NVL: variants seen among roughly 807,000 people sequenced by gnomAD.
The protein encoded by NVL is nuclear valosin-containing protein-like.
In NVL, 84 loss-of-function variants were observed where a neutral mutation model predicts 110.2. The ratio of observed to expected loss-of-function variants is 0.76; its 90% CI spans 0.64 to 0.91. The LOEUF (loss-of-function observed/expected upper bound fraction) is 0.91, where lower values mean the gene tolerates loss of function less well. Ranked by LOEUF, NVL falls within the 40% of genes least tolerant of loss-of-function variation. The pLI is 0.00. For synonymous variants in NVL, 354 were observed against 361.1 expected, an observed-to-expected ratio of 0.98 and a Z score of 0.22; for missense variants, 882 against 1,035.9, an observed-to-expected ratio of 0.85 and a Z score of 2.04.
In NVL at chr1:224,227,618, T is replaced by C. The variant is rs1406281283; in HGVS notation, c.*8A>G. Reference sequence around the variant, plus strand: ...GGGCTAGCTCCTCTAAGCCGGCTGCTGGAGACATCACCGGCTGAGGGACTC... The same window carrying C: ...GGGCTAGCTCCTCTAAGCCGGCTGCCGGAGACATCACCGGCTGAGGGACTC... On this transcript the variant is annotated 3_prime_UTR_variant, in exon 23 of 23. Transcript: ENST00000281701. 6.2e-7 allele frequency: 1 copy of C among 1,610,374 alleles called. No individual in the cohort carries two copies. The highest frequency in any genetic ancestry group is 1.7e-5 in the Admixed American group (1 of 59,822).
rs769948002 is a variant in NVL at position 224,289,623 on chromosome 1, C to A, written c.1436G>T (p.Arg479Leu). Residue 479 changes from arginine (R) to leucine (L), a missense_variant, in exon 13 of 23, where the codon CGA becomes CTA. This residue lies in a region of NVL where 416 missense variants were observed against 499.3 expected (regional missense o/e 0.83). Transcript: ENST00000281701. ...ATTGACTGCACACATTGCTGCCTCT[C>A]GGCACAGTGCCATGAGATCAGCACC... ...FVGADLMALC[R>L]EAAMCAVNRV... 30 of 1,614,098 alleles carry A rather than the reference C, an allele frequency of 1.9e-5. No individual in the cohort carries two copies. The highest frequency in any genetic ancestry group is 2.1e-5 in the Non-Finnish European group (25 of 1,180,052).
At chr1:224,234,932 G>A (rs1453262001) in intron 20 of NVL, among the ~76,000 whole-genome samples, 7 of 152,074 alleles carry the variant, frequency 4.6e-5, no homozygotes, top group African/African-American at 1.2e-4. Flanking sequence ...GTTACTCACC[G>A]AAAATCTTTT....
At chr1:224,236,687 G>A (rs760931329) in intron 19 of NVL, 105 bp from the exon 20 acceptor site, 211 of 825,882 alleles carry the variant, frequency 2.6e-4, no homozygotes, top group Non-Finnish European at 4.0e-4. Context: ...AAGGTGGGCA[G>A]ATCACCTGAG....
At chr1:224,298,664 G>A (rs924244047) in intron 10 of NVL, 1 of 158,656 alleles carries the variant, frequency 6.3e-6, no homozygotes, top group African/African-American at 2.6e-5. Flanking sequence ...GAAGTGTAGT[G>A]TCCTCTTCCG....
chr1:224,260,536 A>T (rs550627290), intron 18 of NVL, among the ~76,000 whole-genome samples: 64 of 152,192 alleles, frequency 4.2e-4, no homozygotes, highest in Non-Finnish European at 7.6e-4. Context: ...GATTACAGGC[A>T]TGAGCCAACA....
At chr1:224,247,605 G>A (rs966446381) in intron 19 of NVL, among the ~76,000 whole-genome samples, 1 of 151,928 alleles carries the variant, frequency 6.6e-6, no homozygotes, top group East Asian at 1.9e-4. Flanking sequence ...GGAGGTGGAG[G>A]TTGCAGTGAA....
At chr1:224,237,814 TG>T (rs894031730) in intron 19 of NVL, among the ~76,000 whole-genome samples, 11 of 146,782 alleles carry the variant, frequency 7.5e-5, no homozygotes, top group Admixed American at 2.8e-4. Flanking sequence ...CTAGGAGCGA[TG>T]GGGTGGCGTG....
chr1:224,262,626 G>A (rs1442603157), intron 18 of NVL, among the ~76,000 whole-genome samples: 1 of 152,196 alleles, frequency 6.6e-6, no homozygotes, highest in East Asian at 1.9e-4. Context: ...ATTAGAGCCA[G>A]GAAGGTGGAA....
At chr1:224,300,013 A>G (rs1668245677) in intron 10 of NVL, among the ~76,000 whole-genome samples, 1 of 152,224 alleles carries the variant, frequency 6.6e-6, no homozygotes, top group Non-Finnish European at 1.5e-5. Context: ...GAATAATCTT[A>G]CAGCTAATAT....
intron 19 of NVL, among the ~76,000 whole-genome samples, chr1:224,237,327 A>T (rs1456317434): frequency 6.6e-6 from 1 of 152,158 alleles, no homozygotes; most frequent in Non-Finnish European, 1.5e-5. Context: ...AGCACAAAGC[A>T]CTCTAAGCTC....
intron 22 of NVL, among the ~76,000 whole-genome samples, chr1:224,228,581 G>A (rs1465060797): frequency 6.6e-6 from 1 of 151,390 alleles, no homozygotes; most frequent in African/African-American, 2.4e-5. Flanking sequence ...GGGATTACAG[G>A]TGTGAGCCAC....
chr1:224,306,022 A>T (rs1025030530), intron 6 of NVL, among the ~76,000 whole-genome samples: 1 of 152,224 alleles, frequency 6.6e-6, no homozygotes, highest in African/African-American at 2.4e-5. Flanking sequence ...TGAGTCTTCT[A>T]TATAGTTGTC....
chr1:224,323,583 TG>T (rs1670863109), intron 2 of NVL, among the ~76,000 whole-genome samples: 1 of 152,144 alleles, frequency 6.6e-6, no homozygotes, highest in African/African-American at 2.4e-5. Context: ...GGAAGGCTGT[TG>T]GACTTCCAGG....
At chr1:224,293,152 C>T (rs1046085256) in intron 12 of NVL, among the ~76,000 whole-genome samples, 1 of 151,528 alleles carries the variant, frequency 6.6e-6, no homozygotes, top group Non-Finnish European at 1.5e-5. Flanking sequence ...TCACTGCAAG[C>T]TCCGCCTCCC....
chr1:224,249,606 G>A (rs550639630), intron 19 of NVL, among the ~76,000 whole-genome samples: 3 of 152,146 alleles, frequency 2.0e-5, no homozygotes, highest in Non-Finnish European at 4.4e-5. Context: ...TTAGCCGGAC[G>A]TGGTGGCGAG....
chr1:224,313,867 G>A (rs528295722), intron 4 of NVL, among the ~76,000 whole-genome samples: 9 of 152,240 alleles, frequency 5.9e-5, no homozygotes, highest in African/African-American at 2.2e-4. Context: ...GCCAGCAGTG[G>A]TGGTGGGTGC....
intron 18 of NVL, among the ~76,000 whole-genome samples, chr1:224,255,610 A>G (rs1422161118): frequency 6.6e-6 from 1 of 152,166 alleles, no homozygotes. Flanking sequence ...GGGTCTCACT[A>G]CACTGCCCAG....
At chr1:224,316,186 C>CA (rs1185207871) in intron 4 of NVL, among the ~76,000 whole-genome samples, 2 of 151,548 alleles carry the variant, frequency 1.3e-5, no homozygotes, top group Non-Finnish European at 1.5e-5. Flanking sequence ...AAAAAACAAA[C>CA]AAAAAAACAG....
intron 18 of NVL, among the ~76,000 whole-genome samples, chr1:224,263,655 T>A (rs1343083221): frequency 6.6e-6 from 1 of 152,156 alleles, no homozygotes; most frequent in East Asian, 1.9e-4. Context: ...TCAAAATGTG[T>A]CTCAAATTTT....
Sources: gnomAD v4.1 joint callset for allele counts (sites outside exome capture counted in the v4.1 genomes callset) on GRCh38, gnomAD v4.1.1 for gene constraint, gnomAD v4.1.1 regional missense constraint, MANE v1.5 for transcripts, NCBI Gene and HGNC (gene_info 2026-07-23, HGNC 2026-07-21) for gene names.